The following ABCA10 variants were observed in gnomAD, a reference collection of about 807,000 sequenced individuals.
ABCA10 encodes ATP-binding cassette sub-family A member 10.
In ABCA10, 169 loss-of-function variants were observed where a neutral mutation model predicts 187.5. The observed-to-expected ratio is 0.90, with a 90% CI of 0.80 to 1.02. The LOEUF (loss-of-function observed/expected upper bound fraction) is 1.02, where lower values mean the gene tolerates loss of function less well. ABCA10 is among the 50% of genes least tolerant of loss of function. The pLI is 0.00. For missense variants in ABCA10, 1,727 were observed against 1,812.4 expected, an observed-to-expected ratio of 0.95 and a Z score of 0.86; for synonymous variants, 574 against 601.8, an observed-to-expected ratio of 0.95 and a Z score of 0.68.
chr17:69,149,953 T>C, intron 37 of ABCA10, 31 bp downstream of exon 37: 2 of 1,499,690 alleles, frequency 1.3e-6, no homozygotes, highest in Non-Finnish European at 1.8e-6. Context: ...AACCAATACA[T>C]AAAGTCTTAT....
chr17:69,192,213 A>G (rs2074465279), intron 16 of ABCA10, among the ~76,000 whole-genome samples: 1 of 152,180 alleles, frequency 6.6e-6, no homozygotes, highest in African/African-American at 2.4e-5. Flanking sequence ...AATCCCAGCT[A>G]TTCGGGAGGC....
chr17:69,200,188 A>G (rs757542361), intron 10 of ABCA10, among the ~76,000 whole-genome samples: 2 of 152,198 alleles, frequency 1.3e-5, no homozygotes, highest in Non-Finnish European at 2.9e-5. Context: ...CTAACAGCTA[A>G]TATTTATTGA....
chr17:69,149,279 A>G (rs2074110574), intron 37 of ABCA10, 191 bp from the exon 38 acceptor site: 5 of 586,952 alleles, frequency 8.5e-6, no homozygotes, highest in Non-Finnish European at 1.4e-5. Context: ...GAACATATTC[A>G]GTTTCCTATA....
intron 6 of ABCA10, among the ~76,000 whole-genome samples, chr17:69,216,797 A>G (rs2074709389): frequency 6.6e-6 from 1 of 152,178 alleles, no homozygotes; most frequent in African/African-American, 2.4e-5. Context: ...TCTAAGGTAT[A>G]CCATTCTTCT....
chr17:69,154,069 T>C, intron 31 of ABCA10, 60 bp from the exon 32 acceptor site: 1 of 1,563,114 alleles, frequency 6.4e-7, no homozygotes, highest in Non-Finnish European at 8.7e-7. Flanking sequence ...CCCCTTCTAC[T>C]AAAGGAGATA....
In ABCA10 at chr17:69,148,634, T is replaced by G; in HGVS notation, c.*193A>C. On this transcript the variant is annotated 3_prime_UTR_variant, in exon 39 of 39. Coordinates refer to ENST00000690296, the MANE Select transcript of ABCA10 (RefSeq NM_001377321.1). ...GAATAACATGTCTGATTTTGTTAAT[T>G]TTGTCTACTACTTTTCCCTATATTT... 1.9e-6 allele frequency: 1 copy of G among 534,932 alleles called. No individual in the cohort carries two copies. Among genetic ancestry groups the G allele is most frequent in the Non-Finnish European group, 3.2e-6 (1 of 307,846 alleles). 33.1% of individuals were successfully genotyped at this position (534,932 alleles called of 1,614,324 possible). A position where few individuals can be genotyped will look rare whatever the true frequency, so the allele number is the denominator to read the frequency against.
chr17:69,238,353 C>G (rs559056006), intron 1 of ABCA10, among the ~76,000 whole-genome samples: 1 of 152,118 alleles, frequency 6.6e-6, no homozygotes, highest in Non-Finnish European at 1.5e-5. Context: ...GTTACAGCAG[C>G]CCTAGAAAAC....
chr17:69,165,176 T>A, intron 25 of ABCA10, 93 bp from the exon 26 acceptor site: 1 of 1,106,382 alleles, frequency 9.0e-7, no homozygotes, highest in Non-Finnish European at 1.3e-6. Flanking sequence ...TGGGAGATAC[T>A]GCCATTTTCA....
intron 22 of ABCA10, 67 bp from the exon 23 acceptor site, chr17:69,175,580 C>A (rs566773871): frequency 3.3e-6 from 4 of 1,230,368 alleles, no homozygotes; most frequent in South Asian, 3.2e-5. Flanking sequence ...TTATAAGATA[C>A]GTTTCCAGGA....
At chr17:69,226,640 G>A (rs140641099) in intron 2 of ABCA10, among the ~76,000 whole-genome samples, 25 of 152,022 alleles carry the variant, frequency 1.6e-4, no homozygotes, top group Non-Finnish European at 2.9e-5. Flanking sequence ...CAAAAAGCAC[G>A]GCTTTGAAGA....
At chr17:69,156,977 A>T in intron 27 of ABCA10, 54 bp from the exon 28 acceptor site, 1 of 1,045,954 alleles carries the variant, frequency 9.6e-7, no homozygotes. Flanking sequence ...TTCACACTCA[A>T]TGGTGAATAT....
At chr17:69,155,703 A>G (rs761011737) in intron 29 of ABCA10, 102 bp downstream of exon 29, 63 of 1,389,954 alleles carry the variant, frequency 4.5e-5, no homozygotes, top group Non-Finnish European at 5.9e-5. Context: ...AGAAATATTA[A>G]AGAAACTAAA....
Position 69,148,620 on chromosome 17 carries a change from C to T in ABCA10, c.*207G>A, listed in dbSNP as rs1390681681. 1.2e-5 allele frequency: 6 copies of T among 506,950 alleles called. No individual in the cohort carries two copies. The highest frequency in any genetic ancestry group is 1.7e-5 in the Non-Finnish European group (5 of 288,752). 31.4% of individuals were successfully genotyped at this position (506,950 alleles called of 1,614,324 possible). A position where few individuals can be genotyped will look rare whatever the true frequency, so the allele number is the denominator to read the frequency against. On this transcript the variant is annotated 3_prime_UTR_variant, in exon 39 of 39. Coordinates refer to ENST00000690296, the MANE Select transcript of ABCA10 (RefSeq NM_001377321.1). Reference sequence around the variant, plus strand: ...CCCATGTTGGGGATGAATAACATGTCTGATTTTGTTAATTTTGTCTACTAC... The same window carrying T: ...CCCATGTTGGGGATGAATAACATGTTTGATTTTGTTAATTTTGTCTACTAC...
intron 35 of ABCA10, 76 bp from the exon 36 acceptor site, chr17:69,152,259 T>C (rs2074135107): frequency 6.4e-7 from 1 of 1,571,124 alleles, no homozygotes; most frequent in Non-Finnish European, 8.6e-7. Context: ...GGAAGGTGTT[T>C]AATTACAGGT....
chr17:69,149,062 A>G lies in ABCA10; in HGVS notation c.4504T>C (p.Tyr1502His), dbSNP rs554993405. The change falls in exon 38 of 39, where the codon TAC (tyrosine) becomes CAC (histidine). Residue 1502 changes from tyrosine to histidine, a missense_variant. By Grantham distance (83) the Tyr-to-His change is moderately conservative. Transcript: ENST00000690296. ...AMKQTFNLEE[Y>H]SLSQATLEQV... ...TCCAAGGTAGCCTGAGAGAGGCTGT[A>G]TTCCTCCAGGTTGAAGGTCTGTTTC... 19 of 1,614,050 alleles carry G rather than the reference A, an allele frequency of 1.2e-5. No individual in the cohort carries two copies. The highest frequency in any genetic ancestry group is 1.1e-4 in the South Asian group (10 of 91,076).
At chr17:69,164,026 C>A in intron 27 of ABCA10, 48 bp downstream of exon 27, 1 of 1,400,478 alleles carries the variant, frequency 7.1e-7, no homozygotes, top group Non-Finnish European at 9.6e-7. Flanking sequence ...TTTCACGGGG[C>A]TATGAATCTT....
At position 69,214,836 on chromosome 17, in the gene ABCA10, T is replaced by C. The variant is rs369442837; in HGVS notation, c.874A>G (p.Asn292Asp). Residue 292 changes from asparagine (N) to aspartate (D), a missense_variant, in exon 9 of 39, where the codon AAT (asparagine) becomes GAT (aspartate). Physicochemically the swap from Asn to Asp is conservative, Grantham distance 23 (BLOSUM62 1). Transcript: ENST00000690296. ...AGMAQITHLDNYLSGVIFPDP... is the reference protein window; with the variant it reads ...AGMAQITHLDDYLSGVIFPDP... ...GGAAAAATAACACCACTTAAGTAAT[T>C]ATCCAGGTGTGTAATCTGAGATTTA... The C allele has an allele frequency of 3.3e-6, 5 of 1,499,080 alleles. No homozygotes were observed. The highest frequency in any genetic ancestry group is 4.4e-6 in the Non-Finnish European group (5 of 1,127,690). 92.9% of individuals were successfully genotyped at this position (1,499,080 alleles called of 1,614,324 possible). A position where few individuals can be genotyped will look rare whatever the true frequency, so the allele number is the denominator to read the frequency against.
At chr17:69,176,099 G>T (rs941745393) in intron 22 of ABCA10, among the ~76,000 whole-genome samples, 22 of 152,078 alleles carry the variant, frequency 1.4e-4, no homozygotes, top group Admixed American at 1.4e-3. Context: ...GTACTTAGAG[G>T]GCATGAGCAG....
At chr17:69,163,650 C>T (rs1420689151) in intron 27 of ABCA10, among the ~76,000 whole-genome samples, 1 of 152,150 alleles carries the variant, frequency 6.6e-6, no homozygotes, top group African/African-American at 2.4e-5. Context: ...CCTCATTTGC[C>T]ATAATACACA....
Sources: gnomAD v4.1 joint callset for allele counts (sites outside exome capture counted in the v4.1 genomes callset) on GRCh38, gnomAD v4.1.1 for gene constraint, MANE v1.5 for transcripts, NCBI Gene and HGNC (gene_info 2026-07-23, HGNC 2026-07-21) for gene names.